The following RBFOX3 variants were observed in gnomAD, a reference collection of about 807,000 sequenced individuals.
RBFOX3 encodes the protein RNA binding fox-1 homolog 3, also known as RNA binding protein fox-1 homolog 3.
In RBFOX3, 17 loss-of-function variants were observed where a neutral mutation model predicts 48.7. The observed-to-expected ratio is 0.35, with a 90% confidence interval of 0.24 to 0.52. The LOEUF (loss-of-function observed/expected upper bound fraction) is 0.52. Ranked by LOEUF, RBFOX3 falls within the 20% of genes least tolerant of loss-of-function variation. The pLI is 0.94. For synonymous variants in RBFOX3, 212 were observed against 209.5 expected (o/e 1.01, Z -0.10); for missense variants, 382 against 497.5 (o/e 0.77, Z 2.21).
intron 3 of RBFOX3, among the ~76,000 whole-genome samples, chr17:79,290,690 A>G (rs2073080464): frequency 6.6e-6 from 1 of 152,182 alleles, no homozygotes; most frequent in African/African-American, 2.4e-5. Flanking sequence ...ATGTTTACCA[A>G]AATCAGAGAA....
At chr17:79,172,771 CAA>C (rs1039683974) in intron 4 of RBFOX3, among the ~76,000 whole-genome samples, 22 of 152,340 alleles carry the variant, frequency 1.4e-4, no homozygotes, top group Non-Finnish European at 2.4e-4. Flanking sequence ...CACCCAATCT[CAA>C]AGACAGTACA....
At chr17:79,405,347 G>A (rs1020420475) in intron 2 of RBFOX3, among the ~76,000 whole-genome samples, 2 of 152,046 alleles carry the variant, frequency 1.3e-5, no homozygotes, top group Admixed American at 6.5e-5. Flanking sequence ...GCAGACGTGT[G>A]TGCACTTCCC....
chr17:79,237,851 T>C (rs1234057904), intron 3 of RBFOX3, among the ~76,000 whole-genome samples: 2 of 152,224 alleles, frequency 1.3e-5, no homozygotes, highest in East Asian at 3.9e-4. Flanking sequence ...CAGGTGTGAT[T>C]GGAAGGCACT....
chr17:79,432,279 T>C (rs1555728830), intron 2 of RBFOX3, among the ~76,000 whole-genome samples: 1 of 152,266 alleles, frequency 6.6e-6, no homozygotes, highest in East Asian at 1.9e-4. Flanking sequence ...GTCTCGTCCA[T>C]ACCCTGCTTC....
chr17:79,288,927 T>C (rs2072631139), intron 3 of RBFOX3, among the ~76,000 whole-genome samples: 1 of 152,168 alleles, frequency 6.6e-6, no homozygotes, highest in Admixed American at 6.5e-5. Context: ...TGGCTCCTGT[T>C]GGGGACAGAG....
rs573281539 is a variant in RBFOX3 at position 79,324,381 on chromosome 17, G to A, written c.-174-16557C>T. On this transcript the variant is annotated intron_variant, in intron 2 of 14. Transcript: ENST00000693108. ...CAGCTTGAGCTTCCAGAGTGTACACGCTCCCTTCTGGGCAGACCCCAGGGG... is the reference window on the plus strand; with the variant it reads ...CAGCTTGAGCTTCCAGAGTGTACACACTCCCTTCTGGGCAGACCCCAGGGG... Among the ~76,000 whole-genome samples, 14 of 152,280 alleles carry A rather than the reference G, an allele frequency of 9.2e-5. No individual in the cohort carries two copies. The South Asian group carries it at 1.5e-3, about 16-fold the overall frequency.
chr17:79,425,776 G>A (rs1555725114), intron 2 of RBFOX3, among the ~76,000 whole-genome samples: 1 of 152,188 alleles, frequency 6.6e-6, no homozygotes, highest in African/African-American at 2.4e-5. Context: ...GGGGCCCGGG[G>A]GTTCCGAAAG....
intron 9 of RBFOX3, 46 bp downstream of exon 9, chr17:79,101,538 C>T (rs1023915289): frequency 2.7e-6 from 4 of 1,504,204 alleles, no homozygotes; most frequent in African/African-American, 2.8e-5. Flanking sequence ...GGCCTCTGTC[C>T]CAGCCAGTGA....
intron 2 of RBFOX3, among the ~76,000 whole-genome samples, chr17:79,402,719 C>T (rs1174524762): frequency 6.6e-6 from 1 of 152,220 alleles, no homozygotes; most frequent in Admixed American, 6.5e-5. Flanking sequence ...CAGGTGAAGG[C>T]TCAGTGCCAG....
intron 4 of RBFOX3, among the ~76,000 whole-genome samples, chr17:79,232,838 T>C (rs546956655): frequency 2.4e-4 from 37 of 152,322 alleles, no homozygotes; most frequent in Non-Finnish European, 2.6e-4. Flanking sequence ...CCTAGTCAAA[T>C]GGCTAAAGTT....
intron 2 of RBFOX3, among the ~76,000 whole-genome samples, chr17:79,380,808 A>C (rs143651378): frequency 1.6e-3 from 246 of 152,158 alleles, no homozygotes; most frequent in African/African-American, 5.7e-3. Flanking sequence ...TCCAGCCTCC[A>C]CCACACTTTC....
rs1027868939 is a variant in RBFOX3, at chr17:79,214,991, C to T, written c.-34+20775G>A. 3.3e-5 allele frequency among the ~76,000 whole-genome samples: 5 copies of T among 152,210 alleles called. No individual in the cohort carries two copies. Among genetic ancestry groups the T allele is most frequent in the East Asian group, 1.9e-4 (1 of 5,182 alleles). On this transcript the variant is annotated intron_variant, in intron 4 of 14. Coordinates refer to ENST00000693108, the MANE Select transcript of RBFOX3 (RefSeq NM_001350451.2). This position sits in a 1 kb window ranked among gnomAD's most constrained non-coding sequence, Gnocchi z 4.7. Reference sequence around the variant, plus strand: ...ATGAAGCCACCCGCTGGTGCTGCCCCCACACCCGTCACTCCTGCACAAGAC... The same window carrying T: ...ATGAAGCCACCCGCTGGTGCTGCCCTCACACCCGTCACTCCTGCACAAGAC...
intron 9 of RBFOX3, chr17:79,099,895 T>C (rs2076099782): frequency 6.6e-6 from 1 of 152,144 alleles, no homozygotes; most frequent in South Asian, 2.1e-4. Flanking sequence ...TCCAGAGTGT[T>C]GGGTAGTGTT....
intron 2 of RBFOX3, among the ~76,000 whole-genome samples, chr17:79,324,917 G>A (rs1290678417): frequency 6.6e-6 from 1 of 152,254 alleles, no homozygotes; most frequent in Non-Finnish European, 1.5e-5. Flanking sequence ...CCATCCCAAG[G>A]ACTATCCTCT....
chr17:79,645,405 A>T, the RBFOX3 span, among the ~76,000 whole-genome samples: 1 of 151,712 alleles, frequency 6.6e-6, no homozygotes, highest in African/African-American at 2.4e-5. Flanking sequence ...GAGACCTTGC[A>T]GTTCTGGTGG....
chr17:79,235,362 G>A (rs2061512397), intron 4 of RBFOX3: 1 of 151,838 alleles, frequency 6.6e-6, no homozygotes, highest in Non-Finnish European at 1.5e-5. Context: ...GCTGCCTGAG[G>A]AATGGGTGGC....
At chr17:79,238,175 G>C (rs956873704) in intron 3 of RBFOX3, among the ~76,000 whole-genome samples, 1 of 152,246 alleles carries the variant, frequency 6.6e-6, no homozygotes, top group African/African-American at 2.4e-5. Context: ...GACCTCAGGT[G>C]ATCCACCTGC....
At chr17:79,639,710 C>T in the RBFOX3 span, among the ~76,000 whole-genome samples, 28 of 152,212 alleles carry the variant, frequency 1.8e-4, no homozygotes, top group Non-Finnish European at 3.5e-4. Flanking sequence ...ATGTTATATA[C>T]TACATTAACA....
At chr17:79,098,000 CCT>C (rs2075716357) in intron 9 of RBFOX3, 2 of 523,942 alleles carry the variant, frequency 3.8e-6, no homozygotes, top group Non-Finnish European at 6.9e-6. Context: ...TCAGCCTGCC[CCT>C]GAGCAACCCT....
Sources: allele counts gnomAD v4.1 joint callset (sites outside exome capture counted in the v4.1 genomes callset), GRCh38; gene constraint gnomAD v4.1.1; non-coding constraint Gnocchi (gnomAD v3.1); transcripts MANE v1.5; gene names NCBI Gene and HGNC (gene_info 2026-07-23, HGNC 2026-07-21).